PCDH15: variants seen among roughly 807,000 people sequenced by gnomAD.
The protein encoded by PCDH15 is protocadherin-15.
In PCDH15, 129 loss-of-function variants were observed where a neutral mutation model predicts 178.5. That is an observed-to-expected ratio of 0.72 (90% CI 0.63 to 0.84). The LOEUF (loss-of-function observed/expected upper bound fraction) is 0.84. Among genes scored for constraint, PCDH15 ranks in the 40% least tolerant of loss-of-function variants. The pLI is 0.00. For synonymous variants in PCDH15, 800 were observed against 732.0 expected (o/e 1.09, Z -1.50); for missense variants, 2,230 against 2,099.9 (o/e 1.06, Z -1.21).
At position 53,897,959 on chromosome 10, in the gene PCDH15, C is replaced by CTTTTTTTTTTT. The variant is rs66513139; in HGVS notation, c.3501+5273_3501+5283dup. Among the ~76,000 whole-genome samples, 440 of 82,398 alleles carry CTTTTTTTTTTT rather than the reference C, an allele frequency of 5.3e-3. 52 individuals carry two copies. Among genetic ancestry groups the CTTTTTTTTTTT allele is most frequent in the African/African-American group, 0.02 (372 of 18,408 alleles). 54.1% of individuals were successfully genotyped at this position (82,398 alleles called of 152,430 possible). On this transcript the variant is annotated intron_variant, in intron 26 of 37. Coordinates refer to ENST00000644397, the MANE Select transcript of PCDH15 (RefSeq NM_001384140.1). ...TGAACATATGTGTTGTTTCTTTTCC[C>CTTTTTTTTTTT]TTTTTTTTTTTTTTTTTTTTTTTTT...
At chr10:54,174,677 CTTCT>C (rs1434857503) in intron 13 of PCDH15, among the ~76,000 whole-genome samples, 3 of 137,840 alleles carry the variant, frequency 2.2e-5, no homozygotes, top group Admixed American at 1.4e-4. Flanking sequence ...TTTTCTTTTC[CTTCT>C]TTCTTTTTTC....
At chr10:55,306,678 T>C (rs1843433679) in intron 1 of PCDH15, among the ~76,000 whole-genome samples, 1 of 152,202 alleles carries the variant, frequency 6.6e-6, no homozygotes. Flanking sequence ...TTCTCAGAAT[T>C]AGAACTCTAA....
chr10:54,831,898 C>T (rs1591728070), intron 3 of PCDH15, among the ~76,000 whole-genome samples: 1 of 151,944 alleles, frequency 6.6e-6, no homozygotes, highest in African/African-American at 2.4e-5. Context: ...GACACGTTAA[C>T]TTATAATAGC....
At position 54,759,484 on chromosome 10, in the gene PCDH15, TTC is replaced by T. The variant is rs565998056; in HGVS notation, c.-29+41439_-29+41440del. Among the ~76,000 whole-genome samples, 367 of 152,338 alleles carry T rather than the reference TTC, an allele frequency of 2.4e-3. 3 individuals are homozygous for T. The highest frequency in any genetic ancestry group is 4.4e-3 in the Non-Finnish European group (297 of 68,030). On this transcript the variant is annotated intron_variant, in intron 1 of 37. Transcript: ENST00000644397. The stretch of plus-strand genomic sequence containing the variant: ...CCATTTCAATACTTCCTTTTGATAT[TTC>T]TGTCTTCTCTCTCTTGATATAGAAA...
At chr10:54,286,066 A>C (rs2059008404) in intron 8 of PCDH15, among the ~76,000 whole-genome samples, 1 of 152,070 alleles carries the variant, frequency 6.6e-6, no homozygotes, top group African/African-American at 2.4e-5. Context: ...GGAAAGATGG[A>C]GAGAGACTGG....
At chr10:54,411,051 G>GTGCA (rs1349293518) in intron 3 of PCDH15, among the ~76,000 whole-genome samples, 15 of 152,296 alleles carry the variant, frequency 9.8e-5, no homozygotes, top group Non-Finnish European at 1.6e-4. Flanking sequence ...GTTTGTGTGT[G>GTGCA]TGCATGTGCA....
chr10:54,684,453 A>G (rs2094957702), intron 1 of PCDH15, among the ~76,000 whole-genome samples: 1 of 152,000 alleles, frequency 6.6e-6, no homozygotes, highest in Non-Finnish European at 1.5e-5. Flanking sequence ...TTAAAAGAAA[A>G]TGTTAAAGCA....
intron 3 of PCDH15, among the ~76,000 whole-genome samples, chr10:54,445,238 C>A (rs2076076158): frequency 6.6e-6 from 1 of 151,314 alleles, no homozygotes; most frequent in African/African-American, 2.4e-5. Flanking sequence ...ATTTACCCAT[C>A]TTTTATTTTA....
Position 54,260,229 on chromosome 10 carries a change from G to T in PCDH15, c.877-23298C>A, listed in dbSNP as rs188455987. On this transcript the variant is annotated intron_variant, in intron 8 of 37. Transcript: ENST00000644397. ...AGTTTTGTCACGAGTTTTATTAGAA[G>T]ATTTTCCATGTGTTCTTTCTGGGAG... Among the ~76,000 whole-genome samples the T allele has an allele frequency of 1.3e-3, 193 of 152,038 alleles. 1 individual carries two copies. The highest frequency in any genetic ancestry group is 6.8e-3 in the Middle Eastern group (2 of 294).
intron 15 of PCDH15, among the ~76,000 whole-genome samples, chr10:54,109,850 GT>G (rs1350941592): frequency 6.6e-6 from 1 of 152,184 alleles, no homozygotes; most frequent in East Asian, 1.9e-4. Flanking sequence ...AGTATAATCA[GT>G]TTTTTTGTAA....
chr10:55,486,032 G>A (rs1021864003), intron 2 of PCDH15, among the ~76,000 whole-genome samples: 2 of 151,712 alleles, frequency 1.3e-5, no homozygotes, highest in Admixed American at 6.6e-5. Context: ...TGAATTAAGT[G>A]TGTGCTTTGC....
chr10:54,205,496 T>TGTGTGC (rs1029602524), intron 10 of PCDH15, among the ~76,000 whole-genome samples: 4 of 151,060 alleles, frequency 2.6e-5, no homozygotes, highest in African/African-American at 9.7e-5. Context: ...TGTGTGTGTG[T>TGTGTGC]GTGTGTGTGT....
chr10:54,987,050 G>A (rs760122926), intron 2 of PCDH15, among the ~76,000 whole-genome samples: 1 of 151,962 alleles, frequency 6.6e-6, no homozygotes, highest in Non-Finnish European at 1.5e-5. Flanking sequence ...AATGTGTGAT[G>A]TTCCCCTCCC....
intron 1 of PCDH15, among the ~76,000 whole-genome samples, chr10:54,716,539 A>G (rs948968596): frequency 2.0e-5 from 3 of 151,956 alleles, no homozygotes; most frequent in African/African-American, 7.3e-5. Flanking sequence ...ATGGGAGTTC[A>G]CTCATGATTT....
At chr10:55,189,854 T>G (rs550458444) in intron 1 of PCDH15, among the ~76,000 whole-genome samples, 1 of 151,908 alleles carries the variant, frequency 6.6e-6, no homozygotes, top group East Asian at 1.9e-4. Context: ...GAAAAATTTT[T>G]ATGGTATTCA....
At chr10:54,662,456 T>A (rs6481112) in intron 2 of PCDH15, among the ~76,000 whole-genome samples, 15,598 of 151,942 alleles carry the variant, frequency 0.1, 1,020 homozygotes, top group African/African-American at 0.18. Flanking sequence ...TACATTAAAG[T>A]CAGCTCCACT....
rs150824166 is a variant in PCDH15, at chr10:55,275,221, T to C, written c.-156+44378A>G. Among the ~76,000 whole-genome samples the C allele has an allele frequency of 8.9e-4, 136 of 152,258 alleles. 2 individuals are homozygous for C. Among genetic ancestry groups the C allele is most frequent in the African/African-American group, 3.1e-3 (130 of 41,526 alleles). The stretch of plus-strand genomic sequence containing the variant: ...TCATTCATAAGAATTATTTATGTTA[T>C]AGATGTTACTTTCATCAATCATAAC... On this transcript the variant is annotated intron_variant, in intron 1 of 5. Transcript: ENST00000458638.
intron 8 of PCDH15, among the ~76,000 whole-genome samples, chr10:54,247,431 G>A (rs12247974): frequency 3.8e-4 from 57 of 152,000 alleles, no homozygotes; most frequent in African/African-American, 1.4e-3. Context: ...ATTATTTAGA[G>A]TATTTTTAGG....
intron 2 of PCDH15, among the ~76,000 whole-genome samples, chr10:55,132,893 A>C (rs974086429): frequency 6.6e-6 from 1 of 152,200 alleles, no homozygotes; most frequent in Non-Finnish European, 1.5e-5. Context: ...AGGACGCTTT[A>C]AACTTATAAA....
Sources: allele counts gnomAD v4.1 joint callset (sites outside exome capture counted in the v4.1 genomes callset), GRCh38; gene constraint gnomAD v4.1.1; transcripts MANE v1.5; gene names NCBI Gene and HGNC (gene_info 2026-07-23, HGNC 2026-07-21).